Variants in RGS7 observed in about 807,000 individuals in gnomAD.
RGS7 encodes the protein regulator of G protein signaling 7.
RGS7 carries 27 observed loss-of-function variants against 81.1 expected under a neutral mutation model. The observed-to-expected ratio is 0.33, with a 90% confidence interval of 0.25 to 0.46. The LOEUF (loss-of-function observed/expected upper bound fraction) is 0.46. Ranked by LOEUF, RGS7 falls within the 20% of genes least tolerant of loss-of-function variation. The probability of loss-of-function intolerance (pLI) is 1.00; values close to 1 mark genes in which losing one functional copy is unlikely to be tolerated. For synonymous variants in RGS7, 208 were observed against 207.7 expected, an observed-to-expected ratio of 1.00 and a Z score of -0.01; for missense variants, 396 against 607.4, an observed-to-expected ratio of 0.65 and a Z score of 3.66.
At chr1:240,948,954 T>G (rs866982047) in intron 4 of RGS7, among the ~76,000 whole-genome samples, 2 of 152,196 alleles carry the variant, frequency 1.3e-5, no homozygotes, top group African/African-American at 4.8e-5. Context: ...GTTCTTCATT[T>G]GCTGGGAAGA....
At chr1:240,783,594 G>T (rs1219675630) in intron 18 of RGS7, among the ~76,000 whole-genome samples, 1 of 151,882 alleles carries the variant, frequency 6.6e-6, no homozygotes, top group Admixed American at 6.6e-5. Context: ...CTGCACTCCA[G>T]TCTGGGTGAC....
At chr1:241,064,195 A>C (rs867609936) in intron 3 of RGS7, among the ~76,000 whole-genome samples, 7 of 151,714 alleles carry the variant, frequency 4.6e-5, no homozygotes, top group African/African-American at 1.5e-4. Context: ...AAAAAAAAAA[A>C]AAAAAAAAAA....
At chr1:240,950,093 C>T (rs182424140) in intron 4 of RGS7, among the ~76,000 whole-genome samples, 212 of 152,222 alleles carry the variant, frequency 1.4e-3, no homozygotes, top group African/African-American at 4.4e-3. Context: ...GCTTTTGGAT[C>T]CATAAACTGA....
intron 2 of RGS7, among the ~76,000 whole-genome samples, chr1:241,246,976 G>C (rs2076579587): frequency 6.6e-6 from 1 of 151,952 alleles, no homozygotes. Context: ...CCATCTCCTA[G>C]AAACTCCCAG....
intron 2 of RGS7, among the ~76,000 whole-genome samples, chr1:241,248,367 C>CGT (rs1470019830): frequency 6.9e-6 from 1 of 144,068 alleles, no homozygotes; most frequent in Admixed American, 7.0e-5. Flanking sequence ...TATATATATA[C>CGT]GTATATATAT....
chr1:241,240,370 C>T (rs2076204942), intron 2 of RGS7, among the ~76,000 whole-genome samples: 1 of 152,196 alleles, frequency 6.6e-6, no homozygotes, highest in Non-Finnish European at 1.5e-5. Context: ...TCACGTGGAT[C>T]TGTCCAGCAC....
At chr1:240,805,681 A>G (rs965059745) in intron 15 of RGS7, among the ~76,000 whole-genome samples, 1 of 152,178 alleles carries the variant, frequency 6.6e-6, no homozygotes, top group Non-Finnish European at 1.5e-5. Context: ...TGAGTTTGAC[A>G]TAACTTTAAG....
chr1:240,873,332 A>C (rs181486241), intron 6 of RGS7, among the ~76,000 whole-genome samples: 2 of 152,314 alleles, frequency 1.3e-5, no homozygotes, highest in East Asian at 3.9e-4. Flanking sequence ...TTAAAGATGT[A>C]ATTTCAATAC....
At chr1:241,026,066 C>G (rs1001551677) in intron 3 of RGS7, among the ~76,000 whole-genome samples, 4 of 152,206 alleles carry the variant, frequency 2.6e-5, no homozygotes, top group African/African-American at 9.6e-5. Flanking sequence ...CTCCATAGCA[C>G]TCAACACAAT....
At chr1:240,954,802 A>G (rs916231796) in intron 4 of RGS7, among the ~76,000 whole-genome samples, 13 of 152,192 alleles carry the variant, frequency 8.5e-5, no homozygotes, top group Non-Finnish European at 1.6e-4. Flanking sequence ...GAAATAGTTA[A>G]AATTGCCTTT....
At chr1:241,126,400 T>C (rs4472742) in intron 2 of RGS7, among the ~76,000 whole-genome samples, 61,906 of 151,892 alleles carry the variant, frequency 0.41, 16,655 homozygotes, top group African/African-American at 0.77. Flanking sequence ...CCGCCCGCCT[T>C]GGCCTCCCAA....
At chr1:241,055,339 G>C (rs1325971899) in intron 3 of RGS7, among the ~76,000 whole-genome samples, 1 of 152,110 alleles carries the variant, frequency 6.6e-6, no homozygotes, top group African/African-American at 2.4e-5. Context: ...GCTATAAATT[G>C]GAGTTCCTAC....
chr1:241,087,958 C>A lies in RGS7; in HGVS notation c.175+10708G>T, dbSNP rs1204883681. ...AGCAAGACTCCATCTCTCTCTCTCT[C>A]TCTCTCTCTCTCTCTCTCTATATAT... On this transcript the variant is annotated intron_variant, in intron 3 of 18. Coordinates refer to ENST00000440928, the MANE Select transcript of RGS7 (RefSeq NM_001364886.1). 3.1e-3 allele frequency among the ~76,000 whole-genome samples: 259 copies of A among 82,994 alleles called. 1 individual carries two copies. The highest frequency in any genetic ancestry group is 0.011 in the African/African-American group (248 of 22,410). The allele number at this position is 82,994 out of a possible 152,430, so 54.4% of individuals were successfully genotyped here.
chr1:241,166,664 C>A (rs184009608), intron 2 of RGS7, among the ~76,000 whole-genome samples: 38 of 152,214 alleles, frequency 2.5e-4, no homozygotes, highest in African/African-American at 8.4e-4. Flanking sequence ...TCCAATAAAC[C>A]ACATTTCCAA....
At position 240,782,797 on chromosome 1, in the gene RGS7, T is replaced by C. The variant is rs573424341; in HGVS notation, c.*7-6584A>G. Among the ~76,000 whole-genome samples the C allele has an allele frequency of 5.3e-5, 8 of 152,320 alleles. No homozygotes were observed. In the East Asian group the frequency reaches 1.2e-3, roughly 22 times the overall value. On this transcript the variant is annotated intron_variant, in intron 18 of 18. Coordinates refer to ENST00000440928, the MANE Select transcript of RGS7 (RefSeq NM_001364886.1). The stretch of plus-strand genomic sequence containing the variant: ...GAAAAGGGCTAACAAACCCTATCAA[T>C]GGCACTTTTAAAAAACGAAATTGCT...
chr1:240,842,195 A>G (rs1429377301), intron 9 of RGS7, among the ~76,000 whole-genome samples: 8 of 53,974 alleles, frequency 1.5e-4, no homozygotes, highest in African/African-American at 5.0e-4. Flanking sequence ...TATGTTTGTC[A>G]GGAATTTTTT....
Position 241,021,421 on chromosome 1 carries a change from C to T in RGS7, c.176-38292G>A, listed in dbSNP as rs146799893. ...GTAATTCATTTTCAAAATGTTTGGA[C>T]ATAACCCTTTGGCTTTGCTTCTGAG... On this transcript the variant is annotated intron_variant, in intron 3 of 18. Transcript: ENST00000440928. Among the ~76,000 whole-genome samples, 1,197 of 152,308 alleles carry T rather than the reference C, an allele frequency of 7.9e-3. 17 individuals carry two copies. The highest frequency in any genetic ancestry group is 0.027 in the African/African-American group (1,133 of 41,562).
At chr1:241,065,916 G>A (rs140260055) in intron 3 of RGS7, among the ~76,000 whole-genome samples, 1 of 152,166 alleles carries the variant, frequency 6.6e-6, no homozygotes, top group East Asian at 1.9e-4. Flanking sequence ...CATGTACTTA[G>A]AACAATACCT....
At chr1:241,215,947 A>G (rs2074524320) in intron 2 of RGS7, among the ~76,000 whole-genome samples, 1 of 152,234 alleles carries the variant, frequency 6.6e-6, no homozygotes, top group Non-Finnish European at 1.5e-5. Flanking sequence ...AAAAATAGAC[A>G]AACCTCACTG....
Sources: allele counts gnomAD v4.1 joint callset (sites outside exome capture counted in the v4.1 genomes callset), GRCh38; gene constraint gnomAD v4.1.1; transcripts MANE v1.5; gene names NCBI Gene and HGNC (gene_info 2026-07-23, HGNC 2026-07-21).